The following ANKRD44 variants were observed in gnomAD, a reference collection of about 807,000 sequenced individuals.
ANKRD44 encodes the protein ankyrin repeat domain 44.
A neutral mutation model predicts 116.0 loss-of-function variants in ANKRD44; 35 were observed. The observed-to-expected ratio is 0.30, with a 90% CI of 0.23 to 0.40. ANKRD44 has a LOEUF of 0.40. ANKRD44 is among the 10% of genes least tolerant of loss of function. ANKRD44 has a pLI of 1.00. For synonymous variants in ANKRD44, 435 were observed against 461.8 expected, an observed-to-expected ratio of 0.94 and a Z score of 0.74; for missense variants, 1,014 against 1,242.6, an observed-to-expected ratio of 0.82 and a Z score of 2.77.
chr2:197,153,740 T>C (rs2079725085), intron 2 of ANKRD44, among the ~76,000 whole-genome samples: 1 of 152,194 alleles, frequency 6.6e-6, no homozygotes, highest in South Asian at 2.1e-4. Context: ...TTCAGAACTC[T>C]AGTTTAAAAA....
intron 19 of ANKRD44, among the ~76,000 whole-genome samples, chr2:197,008,645 A>G (rs1274576631): frequency 6.6e-6 from 1 of 152,200 alleles, no homozygotes; most frequent in Non-Finnish European, 1.5e-5. Context: ...GCTTCAGAAG[A>G]AGGTAAAAAT....
chr2:197,148,012 G>A (rs2079548971), intron 2 of ANKRD44: 1 of 321,062 alleles, frequency 3.1e-6, no homozygotes, highest in African/African-American at 2.2e-5. Flanking sequence ...GCAAGGCATT[G>A]AACAGATTGT....
intron 1 of ANKRD44, among the ~76,000 whole-genome samples, chr2:197,226,520 C>T (rs866259987): frequency 2.0e-5 from 3 of 152,176 alleles, no homozygotes; most frequent in African/African-American, 4.8e-5. Flanking sequence ...AAAAATTAGC[C>T]AGGTGTGGTG....
At chr2:197,095,489 T>C (rs2078140293) in intron 10 of ANKRD44, among the ~76,000 whole-genome samples, 1 of 152,186 alleles carries the variant, frequency 6.6e-6, no homozygotes, top group African/African-American at 2.4e-5. Flanking sequence ...AAAACCTCCA[T>C]TCTTGCAGTG....
chr2:197,248,592 A>ATATATATATATATATAT (rs1553539906), intron 1 of ANKRD44, among the ~76,000 whole-genome samples: 6 of 149,646 alleles, frequency 4.0e-5, no homozygotes, highest in African/African-American at 1.5e-4. Context: ...ATATATATAT[A>ATATATATATATATATAT]AAGAGAGAGA....
intron 21 of ANKRD44, among the ~76,000 whole-genome samples, chr2:196,974,732 A>T (rs1321547503): frequency 6.6e-6 from 1 of 152,042 alleles, no homozygotes; most frequent in Non-Finnish European, 1.5e-5. Flanking sequence ...TCTACTAACA[A>T]TACAAAAATT....
chr2:197,033,039 G>A (rs1320353144), intron 16 of ANKRD44, among the ~76,000 whole-genome samples: 3 of 141,950 alleles, frequency 2.1e-5, no homozygotes, highest in African/African-American at 8.1e-5. Context: ...CTGGATATAA[G>A]GTGGTAGGCT....
intron 1 of ANKRD44, among the ~76,000 whole-genome samples, chr2:197,195,915 G>C (rs765637443): frequency 6.6e-6 from 1 of 152,210 alleles, no homozygotes; most frequent in East Asian, 1.9e-4. Context: ...AATGGCTTGA[G>C]ATCAAACCTA....
chr2:197,001,672 T>C, intron 22 of ANKRD44, 81 bp downstream of exon 22: 1 of 1,050,110 alleles, frequency 9.5e-7, no homozygotes, highest in South Asian at 1.7e-5. Context: ...TCTAAAAGAC[T>C]TTTTTCCCTA....
At position 197,110,797 on chromosome 2, in the gene ANKRD44, C is replaced by A; in HGVS notation, c.954G>T (p.Arg318Ser). Reference sequence around the variant, plus strand: ...GAATGAGGGTCTGTGACCGTGTGAACCTTCCATGGACAGCTGTCATGTGCA... The same window carrying A: ...GAATGAGGGTCTGTGACCGTGTGAAACTTCCATGGACAGCTGTCATGTGCA... ...SPLHMTAVHG[R>S]FTRSQTLIQN... is the part of the protein sequence containing the mutation. The change falls in exon 9 of 28, where the codon AGG (arginine) becomes AGT (serine). Residue 318 changes from arginine to serine, a missense_variant. Arg to Ser is a moderately radical substitution (Grantham distance 110). Transcript: ENST00000282272. 1 of 1,613,966 alleles carries A rather than the reference C, an allele frequency of 6.2e-7. No individual in the cohort carries two copies. The highest frequency in any genetic ancestry group is 8.5e-7 in the Non-Finnish European group (1 of 1,179,952).
intron 12 of ANKRD44, among the ~76,000 whole-genome samples, chr2:197,087,264 T>C (rs954320573): frequency 1.3e-5 from 2 of 152,238 alleles, no homozygotes; most frequent in African/African-American, 2.4e-5. Flanking sequence ...TTGTAATTTA[T>C]GCAAATAAAT....
At chr2:197,164,276 CA>C (rs1024026715) in intron 2 of ANKRD44, among the ~76,000 whole-genome samples, 7 of 152,316 alleles carry the variant, frequency 4.6e-5, no homozygotes, top group African/African-American at 9.6e-5. Flanking sequence ...GTCTGGGTAG[CA>C]AGACCCCTTG....
rs1019923192 is a variant in ANKRD44 at position 197,187,174 on chromosome 2, G to A, written c.28-68C>T. The A allele has an allele frequency of 8.9e-6, 13 of 1,453,418 alleles. No homozygotes were observed. The Admixed American group carries it at 2.2e-4, about 25-fold the overall frequency. The allele number at this position is 1,453,418 out of a possible 1,614,324, so 90.0% of individuals were successfully genotyped here. ...ATCTGATCACATACAGATGCAGATGGTGAGAAGATTTGTTCCTTAAAAGTT... is the reference window on the plus strand; with the variant it reads ...ATCTGATCACATACAGATGCAGATGATGAGAAGATTTGTTCCTTAAAAGTT... On this transcript the variant is annotated intron_variant, in intron 1 of 27. Transcript: ENST00000282272.
intron 1 of ANKRD44, among the ~76,000 whole-genome samples, chr2:197,229,488 C>T (rs1434028355): frequency 6.6e-6 from 1 of 152,126 alleles, no homozygotes; most frequent in African/African-American, 2.4e-5. Flanking sequence ...TTTAAAAGCA[C>T]AGGGGAAGAT....
At chr2:197,231,723 C>T (rs2081868610) in intron 1 of ANKRD44, among the ~76,000 whole-genome samples, 1 of 151,906 alleles carries the variant, frequency 6.6e-6, no homozygotes. Flanking sequence ...TTATCTGGCC[C>T]ATAATGTCAG....
intron 9 of ANKRD44, among the ~76,000 whole-genome samples, chr2:197,103,349 C>T (rs1049896263): frequency 4.0e-5 from 6 of 151,688 alleles, no homozygotes; most frequent in Admixed American, 6.6e-5. Flanking sequence ...GTTTTCTATA[C>T]GTGAAAGGTT....
intron 1 of ANKRD44, among the ~76,000 whole-genome samples, chr2:197,267,135 G>A (rs1375890194): frequency 6.6e-6 from 1 of 152,136 alleles, no homozygotes; most frequent in East Asian, 1.9e-4. Flanking sequence ...GCTATTTTAG[G>A]TAGACATCTT....
chr2:197,004,187 C>T (rs1416108448), intron 21 of ANKRD44, among the ~76,000 whole-genome samples: 1 of 152,104 alleles, frequency 6.6e-6, no homozygotes, highest in African/African-American at 2.4e-5. Flanking sequence ...CTGATAGGAT[C>T]TTGGTTTTGT....
chr2:197,261,425 C>G (rs1340837777), intron 1 of ANKRD44, among the ~76,000 whole-genome samples: 4 of 151,358 alleles, frequency 2.6e-5, no homozygotes, highest in Admixed American at 6.6e-5. Flanking sequence ...CTGTTCTGTT[C>G]CATTGGTCTA....
Sources: gnomAD v4.1 joint callset for allele counts (sites outside exome capture counted in the v4.1 genomes callset) on GRCh38, gnomAD v4.1.1 for gene constraint, MANE v1.5 for transcripts, NCBI Gene and HGNC (gene_info 2026-07-23, HGNC 2026-07-21) for gene names.